PCDH9: variants seen among roughly 807,000 people sequenced by gnomAD.
The protein encoded by PCDH9 is protocadherin-9.
PCDH9 carries 24 observed loss-of-function variants against 70.6 expected under a neutral mutation model. The observed-to-expected ratio is 0.34, with a 90% CI of 0.25 to 0.48. The LOEUF (loss-of-function observed/expected upper bound fraction) is 0.48. Ranked by LOEUF, PCDH9 falls within the 20% of genes least tolerant of loss-of-function variation. The pLI is 0.99. For missense variants in PCDH9, 1,281 were observed against 1,503.6 expected (o/e 0.85, Z 2.45); for synonymous variants, 562 against 558.5 (o/e 1.01, Z -0.09).
At chr13:67,167,306 C>T (rs2088145130) in intron 2 of PCDH9, among the ~76,000 whole-genome samples, 1 of 151,966 alleles carries the variant, frequency 6.6e-6, no homozygotes, top group Non-Finnish European at 1.5e-5. Context: ...CTTTGGGGTT[C>T]TGTTTCCCCT....
chr13:66,546,046 G>C (rs531145694), intron 4 of PCDH9, among the ~76,000 whole-genome samples: 65 of 151,686 alleles, frequency 4.3e-4, no homozygotes, highest in African/African-American at 1.5e-3. Context: ...CACCATGTTA[G>C]CCAGGATGGT....
chr13:66,936,103 A>G (rs2082912099), intron 2 of PCDH9, among the ~76,000 whole-genome samples: 2 of 152,076 alleles, frequency 1.3e-5, no homozygotes, highest in Admixed American at 6.6e-5. Flanking sequence ...AACAAACAAA[A>G]TGAAATATAT....
chr13:66,683,633 T>A (rs2078359420), intron 3 of PCDH9, among the ~76,000 whole-genome samples: 1 of 152,148 alleles, frequency 6.6e-6, no homozygotes, highest in South Asian at 2.1e-4. Context: ...ATTCTGTGCT[T>A]TTACAAATGA....
At chr13:67,186,785 G>T (rs2088771541) in intron 2 of PCDH9, among the ~76,000 whole-genome samples, 1 of 151,824 alleles carries the variant, frequency 6.6e-6, no homozygotes, top group Non-Finnish European at 1.5e-5. Context: ...TTAACATATT[G>T]TTCTGCTATA....
intron 4 of PCDH9, among the ~76,000 whole-genome samples, chr13:66,333,946 A>G (rs1199161338): frequency 6.6e-6 from 1 of 152,032 alleles, no homozygotes; most frequent in Non-Finnish European, 1.5e-5. Flanking sequence ...TAATAATTAT[A>G]CATGTGATAT....
chr13:67,060,971 T>C (rs1220339745), intron 2 of PCDH9, among the ~76,000 whole-genome samples: 1 of 152,102 alleles, frequency 6.6e-6, no homozygotes, highest in Non-Finnish European at 1.5e-5. Flanking sequence ...TTGTCCTATT[T>C]TTAAAAATCA....
chr13:66,794,387 G>C (rs6562477), intron 3 of PCDH9, among the ~76,000 whole-genome samples: 147,910 of 152,262 alleles, frequency 0.97, 71,987 homozygotes, highest in East Asian at 1. Context: ...AGTTACTTAG[G>C]TTTGAAGAAT....
intron 4 of PCDH9, among the ~76,000 whole-genome samples, chr13:66,397,412 C>G (rs1209227064): frequency 1.3e-5 from 2 of 151,520 alleles, no homozygotes; most frequent in African/African-American, 4.9e-5. Flanking sequence ...GAGTGAGACT[C>G]TGTCGATATA....
chr13:67,058,546 A>G lies in PCDH9; in HGVS notation c.3037-154941T>C, dbSNP rs942671624. On this transcript the variant is annotated intron_variant, in intron 2 of 4. Coordinates refer to ENST00000377865, the MANE Select transcript of PCDH9 (RefSeq NM_203487.3). Reference sequence around the variant, plus strand: ...TAAACCAAAAGCTGTAATTGAACTTATAACTACACATACTTTTCCTCCCGC... The same window carrying G: ...TAAACCAAAAGCTGTAATTGAACTTGTAACTACACATACTTTTCCTCCCGC... 2.2e-4 allele frequency among the ~76,000 whole-genome samples: 34 copies of G among 152,174 alleles called. 1 individual carries two copies. The highest frequency in any genetic ancestry group is 2.9e-5 in the Non-Finnish European group (2 of 68,020).
chr13:66,476,708 C>T (rs1345567433), intron 4 of PCDH9, among the ~76,000 whole-genome samples: 1 of 151,860 alleles, frequency 6.6e-6, no homozygotes, highest in African/African-American at 2.4e-5. Flanking sequence ...TCCATATTCA[C>T]CTAAGAAGGC....
intron 4 of PCDH9, among the ~76,000 whole-genome samples, chr13:66,407,732 A>G (rs924460496): frequency 6.6e-6 from 1 of 152,210 alleles, no homozygotes; most frequent in African/African-American, 2.4e-5. Context: ...TTTAACATAA[A>G]GAACTGTAAT....
chr13:66,878,766 T>C (rs1214297633), intron 3 of PCDH9, among the ~76,000 whole-genome samples: 2 of 151,812 alleles, frequency 1.3e-5, no homozygotes, highest in Non-Finnish European at 2.9e-5. Flanking sequence ...CAAAGGAAAA[T>C]CATTGGGGAT....
intron 3 of PCDH9, among the ~76,000 whole-genome samples, chr13:66,748,052 G>A (rs143182790): frequency 0.013 from 2,002 of 152,210 alleles, 29 homozygotes; most frequent in Non-Finnish European, 0.017. Flanking sequence ...CATATTTTGG[G>A]TTCAGTAACA....
At chr13:66,967,899 C>A (rs2083456641) in intron 2 of PCDH9, among the ~76,000 whole-genome samples, 1 of 151,942 alleles carries the variant, frequency 6.6e-6, no homozygotes, top group African/African-American at 2.4e-5. Flanking sequence ...AGCCCTGGTA[C>A]CTGGCATGTA....
At chr13:66,751,014 C>T (rs2079448972) in intron 3 of PCDH9, among the ~76,000 whole-genome samples, 1 of 152,114 alleles carries the variant, frequency 6.6e-6, no homozygotes, top group South Asian at 2.1e-4. Flanking sequence ...GTATTAAACA[C>T]TAACTTATAA....
chr13:67,114,627 A>G (rs2138280924), intron 2 of PCDH9, among the ~76,000 whole-genome samples: 1 of 152,306 alleles, frequency 6.6e-6, no homozygotes, highest in South Asian at 2.1e-4. Context: ...GATGTGTGTA[A>G]AATTTCAACG....
intron 3 of PCDH9, among the ~76,000 whole-genome samples, chr13:66,825,933 C>T (rs193009819): frequency 1.6e-3 from 237 of 151,772 alleles, no homozygotes; most frequent in African/African-American, 5.5e-3. Flanking sequence ...GCATATTGAT[C>T]GCAATCATTT....
chr13:66,325,284 G>T (rs1270647580), intron 4 of PCDH9, among the ~76,000 whole-genome samples: 4 of 152,012 alleles, frequency 2.6e-5, no homozygotes, highest in African/African-American at 9.7e-5. Flanking sequence ...TATTCAGAAA[G>T]CTATTCTATT....
chr13:66,933,234 T>C (rs1404925310), intron 2 of PCDH9, among the ~76,000 whole-genome samples: 1 of 152,154 alleles, frequency 6.6e-6, no homozygotes, highest in Non-Finnish European at 1.5e-5. Context: ...AGAACTTTCT[T>C]CTTAATAATC....
Sources: allele counts gnomAD v4.1 joint callset (sites outside exome capture counted in the v4.1 genomes callset), GRCh38; gene constraint gnomAD v4.1.1; transcripts MANE v1.5; gene names NCBI Gene and HGNC (gene_info 2026-07-23, HGNC 2026-07-21).